PLD1: variants seen among roughly 807,000 people sequenced by gnomAD.
The protein encoded by PLD1 is phospholipase D1.
PLD1 carries 112 observed loss-of-function variants against 137.1 expected under a neutral mutation model. The ratio of observed to expected loss-of-function variants is 0.82; its 90% CI spans 0.70 to 0.96. PLD1 has a LOEUF of 0.96. PLD1 is among the 40% of genes least tolerant of loss of function. PLD1 has a pLI of 0.00. For synonymous variants in PLD1, 431 were observed against 454.7 expected, an observed-to-expected ratio of 0.95 and a Z score of 0.66; for missense variants, 1,321 against 1,342.0, an observed-to-expected ratio of 0.98 and a Z score of 0.24.
intron 1 of PLD1, among the ~76,000 whole-genome samples, chr3:171,768,088 A>C (rs1722101443): frequency 6.6e-6 from 1 of 152,102 alleles, no homozygotes; most frequent in Non-Finnish European, 1.5e-5. Flanking sequence ...CTGGGGTAGT[A>C]CTACTACCCC....
At chr3:171,785,064 T>G (rs1399769427) in intron 1 of PLD1, among the ~76,000 whole-genome samples, 1 of 152,252 alleles carries the variant, frequency 6.6e-6, no homozygotes, top group Non-Finnish European at 1.5e-5. Context: ...ACAGGAATAC[T>G]ACAGTAAGTC....
rs191074842 is a variant in PLD1 at position 171,749,924 on chromosome 3, T to C, written c.-31-11842A>G. Among the ~76,000 whole-genome samples, 108 of 152,326 alleles carry C rather than the reference T, an allele frequency of 7.1e-4. 1 individual carries two copies. The highest frequency in any genetic ancestry group is 2.6e-3 in the African/African-American group (107 of 41,578). ...CTGCTACTGCCCACCACAGGACAGA[T>C]GGGGTTTGGTGTTTGAGTCCAAGCA... On this transcript the variant is annotated intron_variant, in intron 1 of 26. Transcript: ENST00000351298.
chr3:171,777,336 A>G (rs1157999447), intron 1 of PLD1, among the ~76,000 whole-genome samples: 4 of 152,236 alleles, frequency 2.6e-5, no homozygotes, highest in African/African-American at 9.6e-5. Flanking sequence ...GTCTCAGGAC[A>G]CAGCACACCC....
chr3:171,635,821 G>A (rs1327042693), intron 23 of PLD1, among the ~76,000 whole-genome samples: 2 of 151,534 alleles, frequency 1.3e-5, no homozygotes, highest in Non-Finnish European at 2.9e-5. Flanking sequence ...TTGTGCTTTT[G>A]GTGTAAAATC....
intron 5 of PLD1, 145 bp downstream of exon 5, chr3:171,734,720 A>C (rs1719219798): frequency 6.8e-6 from 4 of 587,226 alleles, no homozygotes; most frequent in Admixed American, 3.0e-5. Context: ...CTGCCTAACT[A>C]GTTCCAGAAA....
At chr3:171,745,775 C>T (rs973576451) in intron 1 of PLD1, among the ~76,000 whole-genome samples, 2 of 152,312 alleles carry the variant, frequency 1.3e-5, no homozygotes, top group African/African-American at 2.4e-5. Context: ...CAGGCCATGG[C>T]GTCCACGCTG....
intron 1 of PLD1, among the ~76,000 whole-genome samples, chr3:171,796,032 C>T (rs1386065729): frequency 6.6e-6 from 1 of 152,136 alleles, no homozygotes; most frequent in Non-Finnish European, 1.5e-5. Flanking sequence ...AACTATTGCT[C>T]TTTATTGTCT....
At chr3:171,675,495 T>G (rs982998899) in intron 18 of PLD1, among the ~76,000 whole-genome samples, 3 of 152,210 alleles carry the variant, frequency 2.0e-5, no homozygotes, top group African/African-American at 7.2e-5. Context: ...TAAAAAAGAC[T>G]TATTGGTGTT....
At chr3:171,750,988 AC>A (rs574379112) in intron 1 of PLD1, among the ~76,000 whole-genome samples, 4 of 151,402 alleles carry the variant, frequency 2.6e-5, no homozygotes, top group South Asian at 2.1e-4. Flanking sequence ...CCAAGTAGGG[AC>A]CCCCCCCAAA....
intron 1 of PLD1, among the ~76,000 whole-genome samples, chr3:171,805,596 C>T (rs902754237): frequency 6.6e-6 from 1 of 152,274 alleles, no homozygotes; most frequent in South Asian, 2.1e-4. Flanking sequence ...TGCTTCTACC[C>T]TTTGACATAC....
chr3:171,645,309 T>C (rs966374826), intron 21 of PLD1, among the ~76,000 whole-genome samples: 1 of 152,080 alleles, frequency 6.6e-6, no homozygotes, highest in African/African-American at 2.4e-5. Flanking sequence ...CAAAATGCAG[T>C]GTAAGAAATC....
chr3:171,732,622 A>C (rs1482185841), intron 6 of PLD1, among the ~76,000 whole-genome samples: 1 of 152,232 alleles, frequency 6.6e-6, no homozygotes, highest in Non-Finnish European at 1.5e-5. Flanking sequence ...TCTCTAAACT[A>C]GCGGACAAAT....
chr3:171,670,583 G>A (rs1712642062), intron 19 of PLD1, among the ~76,000 whole-genome samples: 1 of 152,168 alleles, frequency 6.6e-6, no homozygotes, highest in Middle Eastern at 3.2e-3. Flanking sequence ...AGGTTTTCAG[G>A]ACCAGAGGAA....
Position 171,645,028 on chromosome 3 carries a change from A to G in PLD1, c.2430-5T>C, listed in dbSNP as rs369070949. ...ACCCGGTATTTCTGGTTTTCCCTGC[A>G]AAGGTCAGATGCAGAGAAATTCACC... On this transcript the variant is annotated splice_polypyrimidine_tract_variant and splice_region_variant and intron_variant, in intron 21 of 26. Transcript: ENST00000351298. The G allele has an allele frequency of 3.2e-6, 5 of 1,584,498 alleles. No individual in the cohort carries two copies. In the African/African-American group the frequency reaches 5.4e-5, roughly 17 times the overall value.
At chr3:171,628,373 T>C (rs1248522943) in intron 23 of PLD1, among the ~76,000 whole-genome samples, 1 of 152,024 alleles carries the variant, frequency 6.6e-6, no homozygotes, top group African/African-American at 2.4e-5. Context: ...TAATCAATAG[T>C]TTACCAACCA....
chr3:171,646,675 C>CAAA (rs77696811), intron 21 of PLD1, among the ~76,000 whole-genome samples: 1 of 89,518 alleles, frequency 1.1e-5, no homozygotes, highest in Non-Finnish European at 2.5e-5. Flanking sequence ...AAAGAACAGA[C>CAAA]AAAAAAAAAA....
rs1731920871 is a variant in PLD1 at position 171,602,832 on chromosome 3, GAGTACATGCTACCAACA to G, written c.*229_*245del. 7 of 529,072 alleles carry G rather than the reference GAGTACATGCTACCAACA, an allele frequency of 1.3e-5. No individual in the cohort carries two copies. In the East Asian group the frequency reaches 2.2e-4, roughly 16 times the overall value. The allele number at this position is 529,072 out of a possible 1,614,324, so 32.8% of individuals were successfully genotyped here. On this transcript the variant is annotated 3_prime_UTR_variant, in exon 27 of 27. Transcript: ENST00000351298. ...ATTTGAATATGTGTTTTACTCAACA[GAGTACATGCTACCAACA>G]AGAATGCAGCCCCCTTTTTACAAGT...
chr3:171,680,179 T>C (rs1167843037), intron 16 of PLD1, among the ~76,000 whole-genome samples: 1 of 151,354 alleles, frequency 6.6e-6, no homozygotes, highest in East Asian at 1.9e-4. Flanking sequence ...TCTTCTTTCC[T>C]AGCTCCTCCT....
intron 11 of PLD1, among the ~76,000 whole-genome samples, chr3:171,703,397 T>C (rs1716407989): frequency 6.6e-6 from 1 of 152,220 alleles, no homozygotes; most frequent in African/African-American, 2.4e-5. Flanking sequence ...AGTAAAACTG[T>C]CTTTATTCGT....
Sources: allele counts gnomAD v4.1 joint callset (sites outside exome capture counted in the v4.1 genomes callset), GRCh38; gene constraint gnomAD v4.1.1; transcripts MANE v1.5; gene names NCBI Gene and HGNC (gene_info 2026-07-23, HGNC 2026-07-21).